Variants in ATP8A2 observed in about 807,000 individuals in gnomAD.
ATP8A2 encodes the protein ATPase phospholipid transporting 8A2.
ATP8A2 carries 100 observed loss-of-function variants against 165.6 expected under a neutral mutation model. That is an observed-to-expected ratio of 0.60 (90% confidence interval 0.51 to 0.71). The LOEUF (loss-of-function observed/expected upper bound fraction) is 0.71. Among genes scored for constraint, ATP8A2 ranks in the 30% least tolerant of loss-of-function variants. The pLI is 0.00. For synonymous variants in ATP8A2, 543 were observed against 548.8 expected, an observed-to-expected ratio of 0.99 and a Z score of 0.15; for missense variants, 1,227 against 1,479.5, an observed-to-expected ratio of 0.83 and a Z score of 2.80.
At chr13:25,981,178 G>A (rs964406753) in intron 35 of ATP8A2, among the ~76,000 whole-genome samples, 2 of 152,134 alleles carry the variant, frequency 1.3e-5, no homozygotes, top group African/African-American at 4.8e-5. Flanking sequence ...TTCATACTTT[G>A]CCTTGTGACC....
At chr13:25,829,667 GGTATAT>G (rs1951405551) in intron 28 of ATP8A2, among the ~76,000 whole-genome samples, 1 of 46,910 alleles carries the variant, frequency 2.1e-5, no homozygotes, top group Non-Finnish European at 4.1e-5. Flanking sequence ...GGACAGGTGT[GGTATAT>G]ATATATATAT....
At chr13:25,720,447 C>A (rs2043354131) in intron 25 of ATP8A2, among the ~76,000 whole-genome samples, 1 of 152,214 alleles carries the variant, frequency 6.6e-6, no homozygotes, top group African/African-American at 2.4e-5. Context: ...CAGGCATGAG[C>A]CACTGCGCCT....
intron 27 of ATP8A2, among the ~76,000 whole-genome samples, chr13:25,805,693 G>A (rs1411954692): frequency 3.3e-5 from 5 of 152,146 alleles, no homozygotes; most frequent in Admixed American, 3.3e-4. Context: ...CCATGATGGT[G>A]TTCCAGGGAT....
Position 26,021,016 on chromosome 13 carries a change from C to A in ATP8A2, c.*1031C>A, listed in dbSNP as rs1025486909. On this transcript the variant is annotated 3_prime_UTR_variant, in exon 37 of 37. Transcript: ENST00000381655. The stretch of plus-strand genomic sequence containing the variant: ...CTTTGGCATCCACTTACATTAGAAC[C>A]CACGTTTGTTTCAGAGCACATTTTG... 2 of 152,288 alleles carry A rather than the reference C, an allele frequency of 1.3e-5. No individual in the cohort carries two copies. The highest frequency in any genetic ancestry group is 4.8e-5 in the African/African-American group (2 of 41,444). The allele number at this position is 152,288 out of a possible 1,614,324, so 9.4% of individuals were successfully genotyped here. A position where few individuals can be genotyped will look rare whatever the true frequency, so the allele number is the denominator to read the frequency against.
chr13:26,002,376 T>C (rs1382044925), intron 35 of ATP8A2, among the ~76,000 whole-genome samples: 1 of 143,550 alleles, frequency 7.0e-6, no homozygotes, highest in Non-Finnish European at 1.5e-5. Context: ...TGAGAACACT[T>C]GGACACGGTG....
At chr13:25,885,861 TGG>T (rs1171204567) in intron 33 of ATP8A2, among the ~76,000 whole-genome samples, 6 of 152,210 alleles carry the variant, frequency 3.9e-5, no homozygotes, top group African/African-American at 1.4e-4. Context: ...TCTCTTGCCC[TGG>T]GTAATCCACT....
intron 25 of ATP8A2, among the ~76,000 whole-genome samples, chr13:25,709,671 G>A (rs758400856): frequency 6.6e-6 from 1 of 152,140 alleles, no homozygotes; most frequent in African/African-American, 2.4e-5. Context: ...ATGGGAACAA[G>A]TTTAACAATA....
intron 24 of ATP8A2, among the ~76,000 whole-genome samples, chr13:25,687,073 G>A (rs1046942856): frequency 2.6e-5 from 4 of 152,098 alleles, no homozygotes; most frequent in African/African-American, 7.2e-5. Flanking sequence ...CCCTTGTCAC[G>A]GCCCCAAAGA....
intron 6 of ATP8A2, among the ~76,000 whole-genome samples, chr13:25,534,482 G>T (rs985953981): frequency 6.6e-6 from 1 of 152,128 alleles, no homozygotes; most frequent in African/African-American, 2.4e-5. Context: ...AGAATGATTT[G>T]GATTCAGAGG....
At chr13:25,621,884 G>A (rs1036896866) in intron 24 of ATP8A2, among the ~76,000 whole-genome samples, 3 of 152,016 alleles carry the variant, frequency 2.0e-5, no homozygotes, top group African/African-American at 7.2e-5. Context: ...CATAAATTAA[G>A]CCTTCAGGCC....
At chr13:25,654,729 T>C (rs1355482044) in intron 24 of ATP8A2, among the ~76,000 whole-genome samples, 1 of 152,216 alleles carries the variant, frequency 6.6e-6, no homozygotes, top group Non-Finnish European at 1.5e-5. Context: ...TCTCCCTTTA[T>C]TTCGCCTTTC....
At chr13:25,742,409 C>T (rs2043933857) in intron 25 of ATP8A2, among the ~76,000 whole-genome samples, 2 of 151,766 alleles carry the variant, frequency 1.3e-5, no homozygotes, top group Non-Finnish European at 2.9e-5. Context: ...GACCATGTGT[C>T]TCAGACAACA....
At chr13:25,809,935 C>T (rs902586351) in intron 27 of ATP8A2, among the ~76,000 whole-genome samples, 1 of 152,134 alleles carries the variant, frequency 6.6e-6, no homozygotes, top group African/African-American at 2.4e-5. Context: ...TGTGTCAAGT[C>T]GTAATTAATG....
At chr13:25,860,936 GA>G (rs1952330704) in intron 32 of ATP8A2, 76 bp downstream of exon 32, 1 of 1,030,570 alleles carries the variant, frequency 9.7e-7, no homozygotes, top group African/African-American at 1.6e-5. Context: ...AAGCCTTGGG[GA>G]AACCATAAGC....
intron 33 of ATP8A2, among the ~76,000 whole-genome samples, chr13:25,945,573 A>G (rs1311521415): frequency 6.6e-6 from 1 of 152,240 alleles, no homozygotes; most frequent in African/African-American, 2.4e-5. Context: ...ATTAAAAAAT[A>G]ACAACCACCA....
chr13:25,811,285 A>C (rs1422967475), intron 27 of ATP8A2, among the ~76,000 whole-genome samples: 1 of 152,262 alleles, frequency 6.6e-6, no homozygotes. Context: ...AATGCTAAAT[A>C]TAATCCAAAT....
rs529605527 is a variant in ATP8A2, at chr13:25,766,626, A to C, written c.2385-2420A>C. Among the ~76,000 whole-genome samples, 241 of 152,322 alleles carry C rather than the reference A, an allele frequency of 1.6e-3. 2 individuals carry two copies. The highest frequency in any genetic ancestry group is 5.5e-3 in the African/African-American group (227 of 41,576). On this transcript the variant is annotated intron_variant, in intron 25 of 36. Transcript: ENST00000381655. Reference sequence around the variant, plus strand: ...AACGACATATCATGAAAAGGGATGCAGTGTGATTTATTGTTGAAACTGTGA... The same window carrying C: ...AACGACATATCATGAAAAGGGATGCCGTGTGATTTATTGTTGAAACTGTGA...
chr13:25,809,284 C>T (rs898111942), intron 27 of ATP8A2, among the ~76,000 whole-genome samples: 2 of 151,992 alleles, frequency 1.3e-5, no homozygotes, highest in Non-Finnish European at 2.9e-5. Flanking sequence ...CTCAGCATCT[C>T]GCAGTATACC....
At chr13:25,509,440 T>C (rs1349716841) in intron 2 of ATP8A2, among the ~76,000 whole-genome samples, 1 of 152,114 alleles carries the variant, frequency 6.6e-6, no homozygotes, top group Admixed American at 6.5e-5. Flanking sequence ...TCTAAGAAAC[T>C]ACCCACACAA....
Sources: allele counts gnomAD v4.1 joint callset (sites outside exome capture counted in the v4.1 genomes callset), GRCh38; gene constraint gnomAD v4.1.1; transcripts MANE v1.5; gene names NCBI Gene and HGNC (gene_info 2026-07-23, HGNC 2026-07-21).